Variants in CYSLTR1 observed in about 807,000 individuals in gnomAD.
CYSLTR1 encodes G-protein coupled receptor HG55.
In CYSLTR1, 1 loss-of-function variant was observed where a neutral mutation model predicts 2.1. That is an observed-to-expected ratio of 0.48 (90% CI 0.17 to 2.28). CYSLTR1 has a LOEUF of 2.28. Among genes scored for constraint, CYSLTR1 ranks in the 30% most tolerant of loss-of-function variants. The probability of loss-of-function intolerance (pLI) is 0.26; values close to 1 mark genes in which losing one functional copy is unlikely to be tolerated. For synonymous variants in CYSLTR1, 110 were observed against 89.6 expected, an observed-to-expected ratio of 1.23 and a Z score of -1.28; for missense variants, 299 against 250.1, an observed-to-expected ratio of 1.20 and a Z score of -1.32.
At chrX:78,276,666 A>T (rs1179550332) in intron 2 of CYSLTR1, among the ~76,000 whole-genome samples, 1 of 110,786 alleles carries the variant, frequency 9.0e-6, no homozygotes, top group Non-Finnish European at 1.9e-5. Context: ...ATTACCAAGA[A>T]CTTTTGGCAT....
chrX:78,300,010 T>G (rs1192999503), intron 1 of CYSLTR1, among the ~76,000 whole-genome samples: 1 of 112,044 alleles, frequency 8.9e-6, no homozygotes, highest in African/African-American at 3.2e-5. Flanking sequence ...CTCCTCTGGT[T>G]ATGTATCTTC....
intron 1 of CYSLTR1, among the ~76,000 whole-genome samples, chrX:78,294,777 C>A (rs1448057907): frequency 8.9e-6 from 1 of 112,807 alleles, no homozygotes; most frequent in Non-Finnish European, 1.9e-5. Flanking sequence ...GTGCGTGTGA[C>A]CTGCCGAGCT....
chrX:78,299,533 T>C (rs1369983422), intron 1 of CYSLTR1, among the ~76,000 whole-genome samples: 1 of 110,541 alleles, frequency 9.0e-6, no homozygotes, highest in Non-Finnish European at 1.9e-5. Flanking sequence ...TTCTCCTTCA[T>C]GTTTGAAGGA....
At chrX:78,322,560 G>T (rs1157404778) in intron 1 of CYSLTR1, among the ~76,000 whole-genome samples, 1 of 111,499 alleles carries the variant, frequency 9.0e-6, no homozygotes, top group Non-Finnish European at 1.9e-5. Context: ...CAAACCATCA[G>T]GCTATGCTAA....
chrX:78,315,471 G>A (rs1000624853), intron 1 of CYSLTR1, among the ~76,000 whole-genome samples: 1 of 111,414 alleles, frequency 9.0e-6, no homozygotes, highest in African/African-American at 3.3e-5. Flanking sequence ...CTCAAATCAA[G>A]TATATGGCTC....
intron 2 of CYSLTR1, among the ~76,000 whole-genome samples, chrX:78,280,579 T>C (rs1312663051): frequency 2.7e-5 from 3 of 110,567 alleles, no homozygotes; most frequent in Non-Finnish European, 5.7e-5. Context: ...ACTTCTATTT[T>C]AGGTTCAGGG....
intron 2 of CYSLTR1, among the ~76,000 whole-genome samples, chrX:78,278,815 C>G (rs2149182870): frequency 8.9e-6 from 1 of 112,095 alleles, no homozygotes; most frequent in East Asian, 2.8e-4. Flanking sequence ...CACCTACAAC[C>G]ATCTGATATT....
intron 1 of CYSLTR1, among the ~76,000 whole-genome samples, chrX:78,323,842 A>G (rs1176887522): frequency 9.0e-6 from 1 of 111,600 alleles, no homozygotes; most frequent in Non-Finnish European, 1.9e-5. Flanking sequence ...TCTGGGTTGT[A>G]TTGATTCTGA....
intron 1 of CYSLTR1, among the ~76,000 whole-genome samples, chrX:78,315,773 T>C (rs779390784): frequency 1.8e-5 from 2 of 112,404 alleles, no homozygotes; most frequent in South Asian, 7.5e-4. Context: ...CTAAGCATTT[T>C]GATTCTAGTC....
At chrX:78,282,217 TAA>T (rs1394777093) in intron 2 of CYSLTR1, among the ~76,000 whole-genome samples, 1 of 112,171 alleles carries the variant, frequency 8.9e-6, no homozygotes, top group East Asian at 2.8e-4. Context: ...CTTTCTTGAC[TAA>T]GTCTTCCCTC....
chrX:78,290,461 A>G (rs1442471395), intron 1 of CYSLTR1, among the ~76,000 whole-genome samples: 2 of 111,760 alleles, frequency 1.8e-5, no homozygotes, highest in Admixed American at 9.5e-5. Context: ...TTTTGGTTCC[A>G]TATGAACTTT....
At chrX:78,302,980 A>G (rs1224109581) in intron 1 of CYSLTR1, among the ~76,000 whole-genome samples, 1 of 111,472 alleles carries the variant, frequency 9.0e-6, no homozygotes, top group Non-Finnish European at 1.9e-5. Context: ...GTCCCAGTTC[A>G]GCATTAGGAC....
chrX:78,278,353 C>T (rs925635993), intron 2 of CYSLTR1, among the ~76,000 whole-genome samples: 2 of 111,857 alleles, frequency 1.8e-5, no homozygotes, highest in African/African-American at 6.5e-5. Context: ...ACATCAAGAA[C>T]ACAAGCCCAT....
At chrX:78,299,854 G>A (rs1922740811) in intron 1 of CYSLTR1, among the ~76,000 whole-genome samples, 1 of 111,310 alleles carries the variant, frequency 9.0e-6, no homozygotes, top group South Asian at 3.7e-4. Flanking sequence ...TAAGTTCTCT[G>A]ATACTATCCC....
At chrX:78,296,901 G>A (rs1603410787) in intron 1 of CYSLTR1, among the ~76,000 whole-genome samples, 1 of 110,891 alleles carries the variant, frequency 9.0e-6, no homozygotes, top group East Asian at 2.8e-4. Flanking sequence ...TTTTCTGATT[G>A]CTCTAGCTAG....
intron 2 of CYSLTR1, among the ~76,000 whole-genome samples, chrX:78,274,079 C>T (rs1476260741): frequency 9.0e-6 from 1 of 111,400 alleles, no homozygotes; most frequent in African/African-American, 3.3e-5. Flanking sequence ...TAGTACAATT[C>T]GGTAGGTTTT....
rs184517454 is a variant in CYSLTR1 at position 78,327,139 on chromosome X, T to C, written c.-115+166A>G. 3.9e-3 allele frequency among the ~76,000 whole-genome samples: 438 copies of C among 111,780 alleles called. 1 individual carries two copies. Among genetic ancestry groups the C allele is most frequent in the African/African-American group, 0.014 (422 of 30,771 alleles). On this transcript the variant is annotated intron_variant, in intron 1 of 2. Coordinates refer to ENST00000373304, the MANE Select transcript of CYSLTR1 (RefSeq NM_006639.4). The stretch of plus-strand genomic sequence containing the variant: ...GACAGACTGATCATATTATCAGATT[T>C]CTGGCTAAGAAATAAAGCAGAAAGA...
intron 1 of CYSLTR1, among the ~76,000 whole-genome samples, chrX:78,325,969 A>G (rs905243003): frequency 1.2e-4 from 14 of 112,034 alleles, no homozygotes; most frequent in African/African-American, 4.5e-4. Flanking sequence ...CTTGATTAGG[A>G]ATACACTAAC....
intron 1 of CYSLTR1, among the ~76,000 whole-genome samples, chrX:78,298,811 G>A (rs777561645): frequency 1.8e-5 from 2 of 111,270 alleles, no homozygotes; most frequent in African/African-American, 3.3e-5. Context: ...AATGGATCTT[G>A]TTTTTTCATC....
Sources: allele counts gnomAD v4.1 joint callset (sites outside exome capture counted in the v4.1 genomes callset), GRCh38; gene constraint gnomAD v4.1.1; transcripts MANE v1.5; gene names NCBI Gene and HGNC (gene_info 2026-07-23, HGNC 2026-07-21).